OSMR: variants seen among roughly 807,000 people sequenced by gnomAD.
OSMR encodes oncostatin M receptor.
A neutral mutation model predicts 99.9 loss-of-function variants in OSMR; 81 were observed. The ratio of observed to expected loss-of-function variants is 0.81; its 90% CI spans 0.68 to 0.97. The LOEUF is 0.97. Among genes scored for constraint, OSMR ranks in the 50% least tolerant of loss-of-function variants. OSMR has a pLI of 0.00. For missense variants in OSMR, 1,099 were observed against 1,153.4 expected, an observed-to-expected ratio of 0.95 and a Z score of 0.68; for synonymous variants, 406 against 410.4, an observed-to-expected ratio of 0.99 and a Z score of 0.13.
intron 1 of OSMR, among the ~76,000 whole-genome samples, chr5:38,864,705 T>C (rs900625849): frequency 1.8e-4 from 27 of 152,332 alleles, no homozygotes; most frequent in African/African-American, 6.3e-4. Flanking sequence ...CTTTGACTTT[T>C]GACTGTCTGC....
intron 1 of OSMR, among the ~76,000 whole-genome samples, chr5:38,859,561 G>T (rs1741116343): frequency 6.6e-6 from 1 of 152,096 alleles, no homozygotes; most frequent in Non-Finnish European, 1.5e-5. Flanking sequence ...TTTTTGCTTA[G>T]GATTGCTTTG....
chr5:38,928,569 A>G (rs1309598839), intron 15 of OSMR, among the ~76,000 whole-genome samples: 2 of 152,088 alleles, frequency 1.3e-5, no homozygotes, highest in African/African-American at 4.8e-5. Context: ...TCACTATCAC[A>G]AGAACAGCAG....
intron 1 of OSMR, among the ~76,000 whole-genome samples, chr5:38,849,023 C>G (rs1017653898): frequency 1.3e-5 from 2 of 152,178 alleles, no homozygotes; most frequent in Non-Finnish European, 2.9e-5. Flanking sequence ...AGCAGTCCAC[C>G]TGCCTTGGCC....
intron 1 of OSMR, among the ~76,000 whole-genome samples, chr5:38,865,414 G>C (rs552217864): frequency 6.6e-6 from 1 of 152,332 alleles, no homozygotes; most frequent in Non-Finnish European, 1.5e-5. Flanking sequence ...TCCTATAGCT[G>C]TATCAATAGT....
rs1338084320 is a variant in OSMR, at chr5:38,869,068, G to C, written c.24G>C (p.Gln8His). 1 of 1,613,876 alleles carries C rather than the reference G, an allele frequency of 6.2e-7. No homozygotes were observed. Among genetic ancestry groups the C allele is most frequent in the South Asian group, 1.1e-5 (1 of 91,072 alleles). ...TGATGGCTCTATTTGCAGTCTTTCA[G>C]ACAACATTCTTCTTAACATTGCTGT... MALFAVFQTTFFLTLLSL... is the reference protein window; with the variant it reads MALFAVFHTTFFLTLLSL... The change falls in exon 2 of 18, where the codon CAG (glutamine) becomes CAC (histidine). Residue 8 changes from glutamine (Q) to histidine (H), a missense_variant. Physicochemically the swap from Gln to His is conservative, Grantham distance 24 (BLOSUM62 0). Coordinates refer to ENST00000274276, the MANE Select transcript of OSMR (RefSeq NM_003999.3).
chr5:38,859,990 T>G (rs904795565), intron 1 of OSMR, among the ~76,000 whole-genome samples: 13 of 152,160 alleles, frequency 8.5e-5, no homozygotes, highest in Non-Finnish European at 1.8e-4. Context: ...GGAGTCTAGG[T>G]TTTTATATAT....
intron 6 of OSMR, among the ~76,000 whole-genome samples, chr5:38,885,726 G>A (rs186038509): frequency 7.9e-5 from 12 of 152,290 alleles, no homozygotes; most frequent in African/African-American, 2.2e-4. Flanking sequence ...ATACCTTGAC[G>A]TGAAAATAGT....
chr5:38,908,231 C>T (rs1203168344), intron 9 of OSMR, among the ~76,000 whole-genome samples: 2 of 152,234 alleles, frequency 1.3e-5, no homozygotes, highest in African/African-American at 2.4e-5. Context: ...CCTGCACTGC[C>T]ACTGCTGCCT....
chr5:38,905,396 G>C (rs1004518401), intron 9 of OSMR, among the ~76,000 whole-genome samples: 2 of 152,100 alleles, frequency 1.3e-5, no homozygotes, highest in Non-Finnish European at 2.9e-5. Context: ...GGCTGAGGCA[G>C]GAGACCGCTT....
chr5:38,925,198 TCA>T lies in OSMR; in HGVS notation c.2045-3_2045-2del. The T allele has an allele frequency of 1.2e-6, 2 of 1,613,538 alleles. No individual in the cohort carries two copies. The highest frequency in any genetic ancestry group is 1.7e-6 in the Non-Finnish European group (2 of 1,179,730). The stretch of plus-strand genomic sequence containing the variant: ...CTTGAAAAAAAAACCATTTAAAAAA[TCA>T]CAGATGGTTCAGAATGTTGCAAATA... On this transcript the variant is annotated splice_region_variant and splice_polypyrimidine_tract_variant and intron_variant, in intron 14 of 17. Coordinates refer to ENST00000274276, the MANE Select transcript of OSMR (RefSeq NM_003999.3).
chr5:38,870,233 T>C, intron 2 of OSMR, among the ~76,000 whole-genome samples: 1 of 152,154 alleles, frequency 6.6e-6, no homozygotes, highest in Non-Finnish European at 1.5e-5. Flanking sequence ...TTCTCATTTG[T>C]AGTATGTATA....
chr5:38,930,094 GA>G (rs1746654047), intron 15 of OSMR, among the ~76,000 whole-genome samples: 1 of 152,182 alleles, frequency 6.6e-6, no homozygotes, highest in Non-Finnish European at 1.5e-5. Flanking sequence ...GAAAGGCACA[GA>G]CCACATAATG....
chr5:38,937,431 TGAGAC>T (rs1747101794), downstream of OSMR, among the ~76,000 whole-genome samples: 1 of 152,248 alleles, frequency 6.6e-6, no homozygotes. The surrounding 1 kb of genome is among the most constrained non-coding windows in gnomAD (Gnocchi z 4.0). Context: ...TTTCTTGAAG[TGAGAC>T]ATACATTTTA....
chr5:38,943,036 T>G, intron 1 of OSMR: 1 of 1,193,868 alleles, frequency 8.4e-7, no homozygotes, highest in South Asian at 1.3e-5. Flanking sequence ...TCCTCCAAGG[T>G]ATCACTTACT....
intron 7 of OSMR, among the ~76,000 whole-genome samples, chr5:38,899,381 G>A (rs1744744203): frequency 6.6e-6 from 1 of 152,096 alleles, no homozygotes; most frequent in Non-Finnish European, 1.5e-5. Context: ...AAGAGCCAAG[G>A]CCTGGAATCA....
chr5:38,941,838 G>C, intron 1 of OSMR: 1 of 233,416 alleles, frequency 4.3e-6, no homozygotes, highest in Non-Finnish European at 8.5e-6. Flanking sequence ...ACCCCATTGT[G>C]GTAATAGGAT....
chr5:38,865,513 A>T (rs1446655920), intron 1 of OSMR, among the ~76,000 whole-genome samples: 1 of 152,238 alleles, frequency 6.6e-6, no homozygotes, highest in Admixed American at 6.5e-5. Context: ...TGTAATCAGC[A>T]TTAGTAGTGT....
chr5:38,923,712 G>C (rs1746342687), intron 13 of OSMR, among the ~76,000 whole-genome samples: 1 of 152,062 alleles, frequency 6.6e-6, no homozygotes, highest in Admixed American at 6.6e-5. Context: ...CCTTCCATGG[G>C]GTTGCTTATT....
rs1747934726 is a variant in OSMR at position 38,944,308 on chromosome 5, A to G, written c.*75A>G. On this transcript the variant is annotated 3_prime_UTR_variant and NMD_transcript_variant, in exon 2 of 3. Coordinates refer to the OSMR transcript ENST00000508882. ...TTGGCTGAAGTATTAAAGAAAATCT[A>G]GCCTCACACAGGTATGCAATGCAGT... 3.4e-5 allele frequency: 28 copies of G among 835,338 alleles called. No individual in the cohort carries two copies. In the South Asian group the frequency reaches 3.9e-4, roughly 12 times the overall value. The allele number at this position is 835,338 out of a possible 1,614,324, so 51.7% of individuals were successfully genotyped here.
Sources: allele counts gnomAD v4.1 joint callset (sites outside exome capture counted in the v4.1 genomes callset), GRCh38; gene constraint gnomAD v4.1.1; non-coding constraint Gnocchi (gnomAD v3.1); transcripts MANE v1.5; gene names NCBI Gene and HGNC (gene_info 2026-07-23, HGNC 2026-07-21).